The following BPIFB6 variants were observed in gnomAD, a reference collection of about 807,000 sequenced individuals.
BPIFB6 encodes BPI fold containing family B member 6, also known as BPI fold-containing family B member 6.
In BPIFB6, 47 loss-of-function variants were observed where a neutral mutation model predicts 54.7. The observed-to-expected ratio is 0.86, with a 90% confidence interval of 0.68 to 1.10. BPIFB6 has a LOEUF of 1.10. Ranked by LOEUF, BPIFB6 falls within the 50% of genes least tolerant of loss-of-function variation. The pLI is 0.00. For missense variants in BPIFB6, 603 were observed against 564.1 expected, an observed-to-expected ratio of 1.07 and a Z score of -0.70; for synonymous variants, 255 against 225.9, an observed-to-expected ratio of 1.13 and a Z score of -1.16.
intron 13 of BPIFB6, 106 bp downstream of exon 13, chr20:33,042,984 G>T: frequency 2.0e-6 from 2 of 995,948 alleles, no homozygotes; most frequent in Non-Finnish European, 3.1e-6. Context: ...CCAGATGGGG[G>T]AAGCTAAAAG....
chr20:33,041,493 G>T (rs1007070978), intron 11 of BPIFB6, among the ~76,000 whole-genome samples: 1 of 152,148 alleles, frequency 6.6e-6, no homozygotes, highest in Non-Finnish European at 1.5e-5. Context: ...GAAAATGGAG[G>T]ATGTGTTACT....
At chr20:33,044,091 A>G (rs1299981523), downstream of BPIFB6, 2 of 1,611,514 alleles carry the variant, frequency 1.2e-6, no homozygotes, top group East Asian at 4.5e-5. Flanking sequence ...ACCACCAACC[A>G]CCTGCACCCC....
chr20:33,042,988 C>A, intron 13 of BPIFB6, 110 bp downstream of exon 13: 3 of 973,836 alleles, frequency 3.1e-6, no homozygotes, highest in Non-Finnish European at 4.7e-6. Context: ...ATGGGGGAAG[C>A]TAAAAGGGAG....
intron 6 of BPIFB6, 130 bp from the exon 7 acceptor site, chr20:33,036,315 C>T (rs1979339834): frequency 1.4e-6 from 1 of 719,528 alleles, no homozygotes. Flanking sequence ...TTACAGAGGC[C>T]CAGAAGTGCT....
intron 1 of BPIFB6, among the ~76,000 whole-genome samples, chr20:33,032,698 C>T (rs1979155644): frequency 6.6e-6 from 1 of 152,196 alleles, no homozygotes; most frequent in South Asian, 2.1e-4. Flanking sequence ...TTGCTTCCTG[C>T]TGAAAATTAC....
intron 5 of BPIFB6, among the ~76,000 whole-genome samples, 184 bp from the exon 6 acceptor site, chr20:33,035,428 T>C (rs17124029): frequency 0.04 from 6,079 of 152,212 alleles, 414 homozygotes; most frequent in African/African-American, 0.14. Context: ...GACTTTGATT[T>C]GGTCAACAGA....
chr20:33,040,407 A>G, intron 11 of BPIFB6, 89 bp downstream of exon 11: 1 of 1,220,512 alleles, frequency 8.2e-7, no homozygotes, highest in Non-Finnish European at 1.2e-6. Context: ...GAGCTGATCC[A>G]CCCAGCACAC....
rs773179885 is a variant in BPIFB6, at chr20:33,037,629, C to G, written c.737C>G (p.Pro246Arg). ...GATGCCGGGGAGGCCCTCACGTTCC[C>G]TGAGGGTTATGCCAAAGGCTCGTCG... ...LADAGEALTF[P>R]EGYAKGSSQL... is the part of the protein sequence containing the mutation. Residue 246 changes from proline (P) to arginine (R), a missense_variant, in exon 8 of 15, where the codon CCT (proline) becomes CGT (arginine). Transcript: ENST00000349552. The G allele has an allele frequency of 6.2e-7, 1 of 1,614,106 alleles. No individual in the cohort carries two copies. The highest frequency in any genetic ancestry group is 2.2e-5 in the East Asian group (1 of 44,862).
At chr20:33,037,812 T>C in intron 8 of BPIFB6, 74 bp downstream of exon 8, 3 of 1,536,256 alleles carry the variant, frequency 2.0e-6, no homozygotes, top group East Asian at 2.3e-5. Context: ...TTTTCTATCA[T>C]GAAAATTATC....
chr20:33,036,590 A>G lies in BPIFB6; in HGVS notation c.669+54A>G, dbSNP rs1384253120. ...GGGTCTCAGGCTCACTGGTCTGGGT[A>G]GTGGGTGATGCTTCTGCCAGGACAG... On this transcript the variant is annotated intron_variant, in intron 7 of 14. Coordinates refer to ENST00000349552, the MANE Select transcript of BPIFB6 (RefSeq NM_174897.2). 6.1e-6 allele frequency: 9 copies of G among 1,486,108 alleles called. No individual in the cohort carries two copies. In the East Asian group the frequency reaches 1.8e-4, roughly 30 times the overall value. The allele number at this position is 1,486,108 out of a possible 1,614,324, so 92.1% of individuals were successfully genotyped here.
chr20:33,035,773 C>G (rs1191005948), intron 6 of BPIFB6, 101 bp downstream of exon 6: 7 of 1,262,728 alleles, frequency 5.5e-6, no homozygotes, highest in East Asian at 2.3e-5. Context: ...TCCAGCCCAG[C>G]CTTGGGACTA....
intron 9 of BPIFB6, 41 bp downstream of exon 9, chr20:33,039,003 G>A (rs1292562458): frequency 1.9e-6 from 3 of 1,602,514 alleles, no homozygotes; most frequent in Non-Finnish European, 8.5e-7. Context: ...ACCCTGTCCT[G>A]CCCTATTGTC....
chr20:33,037,415 T>G, intron 7 of BPIFB6, 147 bp from the exon 8 acceptor site: 1 of 778,736 alleles, frequency 1.3e-6, no homozygotes, highest in Non-Finnish European at 2.0e-6. Context: ...TTTGGCCCAC[T>G]GTAGCCCATT....
In BPIFB6 at chr20:33,037,705, G is replaced by A; in HGVS notation, c.813G>A (p.Gln271=). The part of the protein sequence containing the change: ...TFLSAELALL[Q]KSFHVNIQDT... Reference sequence around the variant, plus strand: ...TCTCTGCAGAGCTTGCCCTTCTGCAGAAGTCCTTTCATGTGAATATCCAGG... The same window carrying A: ...TCTCTGCAGAGCTTGCCCTTCTGCAAAAGTCCTTTCATGTGAATATCCAGG... The change falls in exon 8 of 15, where the codon CAG becomes CAA. Residue 271 remains glutamine, a synonymous_variant. Coordinates refer to ENST00000349552, the MANE Select transcript of BPIFB6 (RefSeq NM_174897.2). The A allele has an allele frequency of 6.2e-7, 1 of 1,614,178 alleles. No homozygotes were observed. The highest frequency in any genetic ancestry group is 1.3e-5 in the African/African-American group (1 of 75,036).
At chr20:33,043,074 A>C (rs1264923210) in intron 13 of BPIFB6, among the ~76,000 whole-genome samples, 196 bp downstream of exon 13, 1 of 152,208 alleles carries the variant, frequency 6.6e-6, no homozygotes, top group East Asian at 1.9e-4. Context: ...CCTCTCCCAC[A>C]ATTTGGGCTC....
intron 11 of BPIFB6, among the ~76,000 whole-genome samples, chr20:33,041,147 G>A (rs778822664): frequency 6.6e-6 from 1 of 151,948 alleles, no homozygotes; most frequent in Admixed American, 6.6e-5. Context: ...CCGCCACCAC[G>A]CCTGGCTAAT....
chr20:33,033,091 G>C lies in BPIFB6; in HGVS notation c.197+8G>C, dbSNP rs1465963692. On this transcript the variant is annotated splice_region_variant and intron_variant, in intron 2 of 14. Coordinates refer to ENST00000349552, the MANE Select transcript of BPIFB6 (RefSeq NM_174897.2). ...TATCAAGGGCATCACCAAGTGAGTA[G>C]GGGAGGGGAGCTGGAGGGTGGTGGT... 6.2e-7 allele frequency: 1 copy of C among 1,607,162 alleles called. No homozygotes were observed. Among genetic ancestry groups the C allele is most frequent in the South Asian group, 1.1e-5 (1 of 90,906 alleles).
Position 33,035,678 on chromosome 20 carries a change from T to C in BPIFB6, c.577+6T>C. ...GAAGTGGACCAACCTCAGTGGTGAG[T>C]GTAGCCCTACCCACACCTTGCCCCT... On this transcript the variant is annotated splice_donor_region_variant and intron_variant, in intron 6 of 14. Transcript: ENST00000349552. 6.2e-7 allele frequency: 1 copy of C among 1,613,160 alleles called. No homozygotes were observed. Among genetic ancestry groups the C allele is most frequent in the Non-Finnish European group, 8.5e-7 (1 of 1,179,184 alleles).
intron 4 of BPIFB6, 76 bp from the exon 5 acceptor site, chr20:33,035,005 G>A: frequency 6.2e-7 from 1 of 1,608,510 alleles, no homozygotes; most frequent in Non-Finnish European, 8.5e-7. Context: ...CCTTAACCAT[G>A]CCCCTTCATG....
Sources: allele counts gnomAD v4.1 joint callset (sites outside exome capture counted in the v4.1 genomes callset), GRCh38; gene constraint gnomAD v4.1.1; transcripts MANE v1.5; gene names NCBI Gene and HGNC (gene_info 2026-07-23, HGNC 2026-07-21).